KIAA0586: variants seen among roughly 807,000 people sequenced by gnomAD.
KIAA0586 encodes protein TALPID3.
In KIAA0586, 144 loss-of-function variants were observed where a neutral mutation model predicts 169.8. The ratio of observed to expected loss-of-function variants is 0.85; its 90% CI spans 0.74 to 0.97. The LOEUF (loss-of-function observed/expected upper bound fraction) is 0.97, where lower values mean the gene tolerates loss of function less well. KIAA0586 is among the 50% of genes least tolerant of loss of function. The probability of loss-of-function intolerance (pLI) is 0.00; values close to 1 mark genes in which losing one functional copy is unlikely to be tolerated. For synonymous variants in KIAA0586, 625 were observed against 612.4 expected (o/e 1.02, Z -0.30); for missense variants, 1,854 against 1,823.0 (o/e 1.02, Z -0.31).
chr14:58,496,274 G>A (rs1480939246), intron 26 of KIAA0586, among the ~76,000 whole-genome samples: 1 of 152,170 alleles, frequency 6.6e-6, no homozygotes, highest in African/African-American at 2.4e-5. Flanking sequence ...CCAAAACTCA[G>A]AGATACTTAT....
downstream of KIAA0586, among the ~76,000 whole-genome samples, chr14:58,552,520 A>G (rs1301325148): frequency 6.6e-6 from 1 of 152,170 alleles, no homozygotes; most frequent in East Asian, 1.9e-4. Context: ...TCTTTATAGT[A>G]TGAATGGTGA....
At position 58,464,653 on chromosome 14, in the gene KIAA0586, A is replaced by G. The variant is rs182278980; in HGVS notation, c.2060-1182A>G. On this transcript the variant is annotated intron_variant, in intron 14 of 30. Transcript: ENST00000652326. ...GTATGTATACATCATAGGAACAGAA[A>G]AAAATGTACAGCAGTCCCCCCTTAT... Among the ~76,000 whole-genome samples, 10 of 152,290 alleles carry G rather than the reference A, an allele frequency of 6.6e-5. No homozygotes were observed. In the East Asian group the frequency reaches 1.7e-3, roughly 26 times the overall value.
At chr14:58,430,024 T>A (rs1355448993) in intron 2 of KIAA0586, among the ~76,000 whole-genome samples, 1 of 152,158 alleles carries the variant, frequency 6.6e-6, no homozygotes, top group Non-Finnish European at 1.5e-5. Flanking sequence ...ATATGCTATT[T>A]TGAAAATTGA....
intron 11 of KIAA0586, among the ~76,000 whole-genome samples, chr14:58,458,269 A>C (rs190716361): frequency 3.3e-5 from 5 of 152,302 alleles, no homozygotes; most frequent in Admixed American, 3.3e-4. Flanking sequence ...GATGAAAACT[A>C]ATACCATGAA....
At chr14:58,448,598 A>G (rs980548134) in intron 7 of KIAA0586, 105 bp downstream of exon 7, 27 of 723,038 alleles carry the variant, frequency 3.7e-5, no homozygotes, top group Non-Finnish European at 5.2e-5. Context: ...TTTTTGTTTT[A>G]TAAAATTTAT....
chr14:58,513,638 T>A (rs554346670), intron 29 of KIAA0586, among the ~76,000 whole-genome samples: 19 of 151,996 alleles, frequency 1.3e-4, no homozygotes, highest in Middle Eastern at 6.8e-3. Flanking sequence ...AAAATACCTA[T>A]AAAACTCTTC....
intron 30 of KIAA0586, among the ~76,000 whole-genome samples, chr14:58,540,913 G>T (rs1409004824): frequency 6.6e-6 from 1 of 152,204 alleles, no homozygotes; most frequent in East Asian, 1.9e-4. Flanking sequence ...TTGCAAATCT[G>T]TAGGACTGGG....
At position 58,428,020 on chromosome 14, in the gene KIAA0586, GT is replaced by G. The variant is rs1215776230; in HGVS notation, c.-244del. 7.0e-7 allele frequency: 1 copy of G among 1,428,286 alleles called. No homozygotes were observed. The highest frequency in any genetic ancestry group is 9.1e-7 in the Non-Finnish European group (1 of 1,098,822). The allele number at this position is 1,428,286 out of a possible 1,614,324, so 88.5% of individuals were successfully genotyped here. A position where few individuals can be genotyped will look rare whatever the true frequency, so the allele number is the denominator to read the frequency against. ...TTGTTGCTCCTGTGGCCATTCTCTTGTCATCCCCACTTTCACATTTTGGCGT... is the reference window on the plus strand; with the variant it reads ...TTGTTGCTCCTGTGGCCATTCTCTTGCATCCCCACTTTCACATTTTGGCGT... On this transcript the variant is annotated 5_prime_UTR_variant, in exon 1 of 31. The change abolishes the stop of an existing upstream ORF in the 5' untranslated region. Coordinates refer to ENST00000652326, the MANE Select transcript of KIAA0586 (RefSeq NM_001329943.3).
At position 58,549,506 on chromosome 14, in the gene KIAA0586, G is replaced by A. The variant is rs991525468; in HGVS notation, c.*1574G>A. ...CAAGAGTCTATGGAAACTCAGAAAT[G>A]TGTCAGCCTTCCACATGCACTTCCT... On this transcript the variant is annotated 3_prime_UTR_variant, in exon 31 of 31. Transcript: ENST00000652326. The A allele has an allele frequency of 2.6e-5, 4 of 152,224 alleles. No homozygotes were observed. The South Asian group carries it at 6.2e-4, about 24-fold the overall frequency. The allele number at this position is 152,224 out of a possible 1,614,324, so 9.4% of individuals were successfully genotyped here.
chr14:58,502,630 A>G lies in KIAA0586; in HGVS notation c.4168+3670A>G, dbSNP rs2043652396. 3.9e-5 allele frequency among the ~76,000 whole-genome samples: 6 copies of G among 152,302 alleles called. No homozygotes were observed. The South Asian group carries it at 1.2e-3, about 32-fold the overall frequency. Reference sequence around the variant, plus strand: ...CTATCTCATTATGGTTATTAGGTACATGTATTTGACAATGCATGTAAAGTA... The same window carrying G: ...CTATCTCATTATGGTTATTAGGTACGTGTATTTGACAATGCATGTAAAGTA... On this transcript the variant is annotated intron_variant, in intron 27 of 30. Coordinates refer to ENST00000652326, the MANE Select transcript of KIAA0586 (RefSeq NM_001329943.3).
At chr14:58,495,274 GTA>G (rs1438888538) in intron 26 of KIAA0586, among the ~76,000 whole-genome samples, 2 of 151,968 alleles carry the variant, frequency 1.3e-5, no homozygotes, top group South Asian at 2.1e-4. Flanking sequence ...GTATATGTGT[GTA>G]TGTGTGTGTG....
intron 29 of KIAA0586, chr14:58,537,127 C>CCTG: frequency 8.8e-7 from 1 of 1,136,418 alleles, no homozygotes; most frequent in Admixed American, 4.0e-5. Context: ...GAGCACAATA[C>CCTG]TCACCCTTCC....
At chr14:58,461,863 G>A (rs1327669241) in intron 14 of KIAA0586, among the ~76,000 whole-genome samples, 1 of 152,152 alleles carries the variant, frequency 6.6e-6, no homozygotes, top group African/African-American at 2.4e-5. Context: ...ACATCTTCAT[G>A]TATCACTGTG....
intron 19 of KIAA0586, among the ~76,000 whole-genome samples, chr14:58,476,858 C>T (rs2041673423): frequency 6.6e-6 from 1 of 151,882 alleles, no homozygotes; most frequent in Non-Finnish European, 1.5e-5. Context: ...AGTGTTTTGC[C>T]CTGTTTGCCA....
At chr14:58,457,678 C>A (rs929063794) in intron 10 of KIAA0586, 81 bp from the exon 11 acceptor site, 17 of 864,128 alleles carry the variant, frequency 2.0e-5, no homozygotes, top group Non-Finnish European at 2.9e-5. Context: ...AATGTATGGC[C>A]TCAACAATAG....
chr14:58,531,362 A>T (rs2045959434), intron 29 of KIAA0586, among the ~76,000 whole-genome samples: 1 of 150,710 alleles, frequency 6.6e-6, no homozygotes, highest in South Asian at 2.1e-4. Flanking sequence ...AAAAAATAAA[A>T]AAAAATTGGG....
At chr14:58,462,807 T>TA (rs1168535679) in intron 14 of KIAA0586, among the ~76,000 whole-genome samples, 9 of 152,038 alleles carry the variant, frequency 5.9e-5, no homozygotes, top group African/African-American at 1.9e-4. Flanking sequence ...TCAGAAAACT[T>TA]AGAGTCATGG....
At chr14:58,451,214 A>C (rs961418545) in intron 8 of KIAA0586, among the ~76,000 whole-genome samples, 10 of 151,180 alleles carry the variant, frequency 6.6e-5, no homozygotes, top group African/African-American at 2.4e-4. Context: ...TGGTCTCGAT[A>C]AGTTTTGTTA....
downstream of KIAA0586, among the ~76,000 whole-genome samples, chr14:58,554,228 G>A (rs918531828): frequency 1.3e-5 from 2 of 152,012 alleles, no homozygotes; most frequent in Admixed American, 1.3e-4. Flanking sequence ...TCCAAGCCCA[G>A]ACTCAAAGAG....
Sources: allele counts gnomAD v4.1 joint callset (sites outside exome capture counted in the v4.1 genomes callset), GRCh38; gene constraint gnomAD v4.1.1; transcripts MANE v1.5; gene names NCBI Gene and HGNC (gene_info 2026-07-23, HGNC 2026-07-21).